Variants in TFCP2 observed in about 807,000 individuals in gnomAD.
TFCP2 encodes alpha-globin transcription factor CP2.
In TFCP2, 33 loss-of-function variants were observed where a neutral mutation model predicts 73.4. The observed-to-expected ratio is 0.45, with a 90% CI of 0.34 to 0.60. The LOEUF (loss-of-function observed/expected upper bound fraction) is 0.60, where lower values mean the gene tolerates loss of function less well. TFCP2 is among the 20% of genes least tolerant of loss of function. The pLI is 0.01. For missense variants in TFCP2, 352 were observed against 604.0 expected (o/e 0.58, Z 4.37); for synonymous variants, 193 against 211.6 (o/e 0.91, Z 0.76).
intron 1 of TFCP2, among the ~76,000 whole-genome samples, chr12:51,123,132 G>A (rs899575739): frequency 6.6e-6 from 1 of 152,104 alleles, no homozygotes; most frequent in Non-Finnish European, 1.5e-5. Flanking sequence ...CTAAGCAAAG[G>A]ACTGTCATCT....
chr12:51,106,800 A>G, intron 7 of TFCP2, 187 bp from the exon 8 acceptor site: 1 of 563,518 alleles, frequency 1.8e-6, no homozygotes, highest in Non-Finnish European at 3.1e-6. Context: ...TGCTGAGAAT[A>G]GGACTTCTAA....
At position 51,103,772 on chromosome 12, in the gene TFCP2, GA is replaced by G; in HGVS notation, c.967-10del. On this transcript the variant is annotated splice_polypyrimidine_tract_variant and intron_variant, in intron 9 of 14. Coordinates refer to ENST00000257915, the MANE Select transcript of TFCP2 (RefSeq NM_005653.5). The stretch of plus-strand genomic sequence containing the variant: ...GTTGTTGGTAAGAGGTTCTGAAAGG[GA>G]GAGCACGTTTTTTAGATAACCAAAT... 1 of 1,608,238 alleles carries G rather than the reference GA, an allele frequency of 6.2e-7. No individual in the cohort carries two copies. Among genetic ancestry groups the G allele is most frequent in the Non-Finnish European group, 8.5e-7 (1 of 1,177,316 alleles).
intron 10 of TFCP2, 145 bp downstream of exon 10, chr12:51,103,525 T>G (rs1940159316): frequency 1.7e-6 from 1 of 571,606 alleles, no homozygotes; most frequent in African/African-American, 1.9e-5. Context: ...GTCTTAAGGG[T>G]TCTATGAAAT....
chr12:51,116,878 A>T (rs1001873977), intron 3 of TFCP2, among the ~76,000 whole-genome samples: 1 of 152,128 alleles, frequency 6.6e-6, no homozygotes, highest in Non-Finnish European at 1.5e-5. Context: ...CAGCCTCTCA[A>T]AGTGCTGGGA....
intron 1 of TFCP2, 76 bp from the exon 2 acceptor site, chr12:51,118,848 G>T: frequency 1.4e-6 from 2 of 1,472,672 alleles, no homozygotes; most frequent in Non-Finnish European, 1.8e-6. Context: ...TGATTTAACT[G>T]CAATGCTTTG....
At chr12:51,158,379 T>C (rs181501094) in intron 1 of TFCP2, among the ~76,000 whole-genome samples, 40 of 152,296 alleles carry the variant, frequency 2.6e-4, no homozygotes, top group Non-Finnish European at 5.3e-4. Context: ...CATTATTCAG[T>C]ACATGACTTT....
rs1286791871 is a variant in TFCP2, at chr12:51,118,736, CTCT to C, written c.156_158del (p.Glu53del). On this transcript the variant is annotated inframe_deletion, in exon 2 of 15. Coordinates refer to ENST00000257915, the MANE Select transcript of TFCP2 (RefSeq NM_005653.5). ...TCTCATTATCAGGAGGCAAACTCGA[CTCT>C]TCTTGCTTAAAAATGGGCAATGCAA... The C allele has an allele frequency of 6.2e-7, 1 of 1,614,144 alleles. No homozygotes were observed. The highest frequency in any genetic ancestry group is 1.1e-5 in the South Asian group (1 of 91,084).
intron 13 of TFCP2, 99 bp from the exon 14 acceptor site, chr12:51,096,139 T>C: frequency 1.1e-6 from 1 of 918,350 alleles, no homozygotes; most frequent in Non-Finnish European, 1.7e-6. Flanking sequence ...GGGATTTATA[T>C]GGGAGGCTTT....
intron 13 of TFCP2, 124 bp downstream of exon 13, chr12:51,098,652 A>G: frequency 1.7e-6 from 2 of 1,178,468 alleles, no homozygotes; most frequent in South Asian, 3.3e-5. Context: ...GAGGAAAGCA[A>G]GCAAAAAAGT....
At chr12:51,144,724 G>A (rs549391304) in intron 1 of TFCP2, among the ~76,000 whole-genome samples, 44 of 152,298 alleles carry the variant, frequency 2.9e-4, no homozygotes, top group Non-Finnish European at 5.6e-4. Context: ...ACTTTAAAAA[G>A]ACAATACAGG....
intron 10 of TFCP2, among the ~76,000 whole-genome samples, chr12:51,102,829 C>A (rs1312373046): frequency 6.6e-6 from 1 of 152,094 alleles, no homozygotes; most frequent in Non-Finnish European, 1.5e-5. Context: ...GAACACTTAT[C>A]TACAAAATCA....
At chr12:51,117,901 T>C (rs376389987) in intron 2 of TFCP2, among the ~76,000 whole-genome samples, 154 bp from the exon 3 acceptor site, 1 of 152,240 alleles carries the variant, frequency 6.6e-6, no homozygotes. Flanking sequence ...TGCTCAGCAC[T>C]GTGCTAAGTA....
intron 5 of TFCP2, among the ~76,000 whole-genome samples, chr12:51,109,867 C>G (rs1940353278): frequency 6.6e-6 from 1 of 151,998 alleles, no homozygotes. Context: ...TACAGGCACA[C>G]ACCACCACGC....
intron 11 of TFCP2, 99 bp from the exon 12 acceptor site, chr12:51,099,878 G>C: frequency 7.8e-6 from 11 of 1,406,372 alleles, no homozygotes; most frequent in South Asian, 1.6e-5. Context: ...GTATAGAGCA[G>C]ATGAAAATTG....
chr12:51,141,142 G>GGAT (rs1941184217), intron 1 of TFCP2, among the ~76,000 whole-genome samples: 1 of 150,222 alleles, frequency 6.7e-6, no homozygotes, highest in South Asian at 2.1e-4. Context: ...ATCTTGCCTA[G>GGAT]GATGGTCTTG....
chr12:51,153,484 T>A (rs549858266), intron 1 of TFCP2, among the ~76,000 whole-genome samples: 16 of 152,272 alleles, frequency 1.1e-4, no homozygotes, highest in African/African-American at 3.9e-4. Context: ...TCAGTGCTAT[T>A]AAGTACGTTC....
intron 1 of TFCP2, among the ~76,000 whole-genome samples, chr12:51,138,792 C>T (rs1941121930): frequency 6.6e-6 from 1 of 152,250 alleles, no homozygotes. Flanking sequence ...GTGTGCGCCA[C>T]CACACCTGGC....
chr12:51,118,284 G>T (rs1164130009), intron 2 of TFCP2, among the ~76,000 whole-genome samples: 4 of 152,212 alleles, frequency 2.6e-5, no homozygotes, highest in Non-Finnish European at 5.9e-5. Flanking sequence ...GCCGGGCACG[G>T]TGGCTCACGC....
chr12:51,105,487 C>G (rs911803461), intron 8 of TFCP2, among the ~76,000 whole-genome samples: 1 of 152,202 alleles, frequency 6.6e-6, no homozygotes, highest in African/African-American at 2.4e-5. Context: ...AAGTACACGA[C>G]AAAGAGAAGA....
Sources: gnomAD v4.1 joint callset for allele counts (sites outside exome capture counted in the v4.1 genomes callset) on GRCh38, gnomAD v4.1.1 for gene constraint, MANE v1.5 for transcripts, NCBI Gene and HGNC (gene_info 2026-07-23, HGNC 2026-07-21) for gene names.